SOX13: variants seen among roughly 807,000 people sequenced by gnomAD.
The protein encoded by SOX13 is SRY-box transcription factor 13.
SOX13 carries 28 observed loss-of-function variants against 71.8 expected under a neutral mutation model. That is an observed-to-expected ratio of 0.39 (90% CI 0.29 to 0.53). The LOEUF is 0.53. SOX13 is among the 20% of genes least tolerant of loss of function. SOX13 has a pLI of 0.70. For missense variants in SOX13, 627 were observed against 810.3 expected (o/e 0.77, Z 2.75); for synonymous variants, 309 against 317.8 (o/e 0.97, Z 0.29).
At chr1:204,111,130 G>A (rs528268617) in intron 1 of SOX13, among the ~76,000 whole-genome samples, 2 of 152,324 alleles carry the variant, frequency 1.3e-5, no homozygotes, top group South Asian at 4.1e-4. Flanking sequence ...ACCAGATCAT[G>A]TGATGTTATT....
At chr1:204,107,259 G>GT (rs1656488563) in intron 1 of SOX13, among the ~76,000 whole-genome samples, 1 of 152,182 alleles carries the variant, frequency 6.6e-6, no homozygotes, top group African/African-American at 2.4e-5. Flanking sequence ...GTTCATACAA[G>GT]TCAGCCTGTG....
chr1:204,110,561 G>A (rs2102251045), intron 1 of SOX13, among the ~76,000 whole-genome samples: 1 of 152,078 alleles, frequency 6.6e-6, no homozygotes, highest in East Asian at 1.9e-4. Context: ...GTTCAGTACA[G>A]ATGAAATTTC....
chr1:204,090,408 CTT>C (rs67694415), intron 1 of SOX13, among the ~76,000 whole-genome samples: 129 of 118,494 alleles, frequency 1.1e-3, no homozygotes, highest in Admixed American at 1.5e-3. Flanking sequence ...TCTTCTTCTT[CTT>C]TTTTTTTTTT....
intron 1 of SOX13, among the ~76,000 whole-genome samples, chr1:204,082,291 C>A (rs1471347236): frequency 6.6e-6 from 1 of 151,964 alleles, no homozygotes; most frequent in Non-Finnish European, 1.5e-5. Flanking sequence ...GGGGCCTGTG[C>A]TCTGGAGACC....
rs779854892 is a variant in SOX13, at chr1:204,126,000, A to G, written c.1735A>G (p.Ser579Gly). The change falls in exon 14 of 14, where the codon AGC (serine) becomes GGC (glycine). Residue 579 changes from serine to glycine, a missense_variant. Physicochemically the swap from Ser to Gly is moderately conservative, Grantham distance 56. Transcript: ENST00000367204. Reference sequence around the variant, plus strand: ...CATGCCTGTGATCGTCAACACCTGCAGCCTCAGAGAGGAGGGTGAGGGCAC... The same window carrying G: ...CATGCCTGTGATCGTCAACACCTGCGGCCTCAGAGAGGAGGGTGAGGGCAC... ...PNMPVIVNTC[S>G]LREEGEGTDD... 3.1e-6 allele frequency: 5 copies of G among 1,613,870 alleles called. No homozygotes were observed. Among genetic ancestry groups the G allele is most frequent in the Non-Finnish European group, 4.2e-6 (5 of 1,179,896 alleles).
In SOX13 at chr1:204,126,229, T is replaced by G; in HGVS notation, c.*95T>G. The stretch of plus-strand genomic sequence containing the variant: ...GCCAACCTAAGACTATGTTGGTACT[T>G]GGACTTGTTCGTGCCCCAGAGATGG... On this transcript the variant is annotated 3_prime_UTR_variant, in exon 14 of 14. Transcript: ENST00000367204. 7.3e-7 allele frequency: 1 copy of G among 1,372,724 alleles called. No individual in the cohort carries two copies. Among genetic ancestry groups the G allele is most frequent in the Non-Finnish European group, 1.0e-6 (1 of 996,382 alleles). 85.0% of individuals were successfully genotyped at this position (1,372,724 alleles called of 1,614,324 possible).
At chr1:204,117,017 C>A in intron 5 of SOX13, 105 bp from the exon 6 acceptor site, 1 of 1,158,188 alleles carries the variant, frequency 8.6e-7, no homozygotes, top group South Asian at 1.3e-5. Context: ...CACCCCACTC[C>A]ATGGCTTGCC....
chr1:204,097,165 G>A (rs1267463619), intron 1 of SOX13, among the ~76,000 whole-genome samples: 1 of 152,172 alleles, frequency 6.6e-6, no homozygotes, highest in East Asian at 1.9e-4. Context: ...TGGCAGAGGT[G>A]TTGGGAGGGT....
rs1044615339 is a variant in SOX13 at position 204,092,028 on chromosome 1, TC to T, written c.-2+18318del. ...TTTCCTTCGCTTTCCTTCTTCTGTC[TC>T]TTTCACTTTTTTTCTCTCTTCTTTC... On this transcript the variant is annotated intron_variant, in intron 1 of 13. Coordinates refer to ENST00000367204, the MANE Select transcript of SOX13 (RefSeq NM_005686.3). Among the ~76,000 whole-genome samples, 36 of 152,036 alleles carry T rather than the reference TC, an allele frequency of 2.4e-4. 1 individual carries two copies. In the South Asian group the frequency reaches 3.7e-3, roughly 16 times the overall value.
chr1:204,085,687 A>G (rs529375385), intron 1 of SOX13, among the ~76,000 whole-genome samples: 6 of 152,128 alleles, frequency 3.9e-5, no homozygotes, highest in Non-Finnish European at 8.8e-5. Flanking sequence ...TAAAAAAAAA[A>G]AAAAGATCCA....
rs147257392 is a variant in SOX13 at position 204,079,741 on chromosome 1, C to A, written c.-2+6030C>A. ...GGGTCCTTCCTGCTTTAGGAATGCC[C>A]TGAGGCCTGCCTCCCTGCTCACTCC... On this transcript the variant is annotated intron_variant, in intron 1 of 13. Transcript: ENST00000367204. Among the ~76,000 whole-genome samples, 286 of 152,314 alleles carry A rather than the reference C, an allele frequency of 1.9e-3. 1 individual carries two copies. Among genetic ancestry groups the A allele is most frequent in the African/African-American group, 6.4e-3 (265 of 41,568 alleles).
In SOX13 at chr1:204,123,649, C is replaced by T. The variant is rs1571596462; in HGVS notation, c.1232-12C>T. 1 of 1,611,674 alleles carries T rather than the reference C, an allele frequency of 6.2e-7. No homozygotes were observed. Among genetic ancestry groups the T allele is most frequent in the Non-Finnish European group, 8.5e-7 (1 of 1,179,012 alleles). ...GACAGGCTGCTTGGCTGACTTCACT[C>T]CTGTCTCCCAGGCTCCCGCCACTTC... On this transcript the variant is annotated splice_polypyrimidine_tract_variant and intron_variant, in intron 11 of 13. Transcript: ENST00000367204. This position sits in a 1 kb window ranked among gnomAD's most constrained non-coding sequence, Gnocchi z 5.0.
intron 2 of SOX13, among the ~76,000 whole-genome samples, chr1:204,113,869 G>C (rs1406355257): frequency 3.9e-5 from 6 of 152,150 alleles, no homozygotes; most frequent in Non-Finnish European, 8.8e-5. Flanking sequence ...GCCCCTACCT[G>C]CTCCCCTATG....
chr1:204,096,914 T>G (rs1300830437), intron 1 of SOX13, among the ~76,000 whole-genome samples: 2 of 152,194 alleles, frequency 1.3e-5, no homozygotes, highest in Admixed American at 6.5e-5. Flanking sequence ...CTCTTGGGTA[T>G]GAAGTGAAAA....
intron 1 of SOX13, among the ~76,000 whole-genome samples, chr1:204,085,159 G>T (rs1399694306): frequency 6.6e-6 from 1 of 152,158 alleles, no homozygotes; most frequent in South Asian, 2.1e-4. Context: ...CCTACTGTGT[G>T]CCAGCCACTG....
chr1:204,088,212 G>A (rs562813480), intron 1 of SOX13, among the ~76,000 whole-genome samples: 1 of 152,246 alleles, frequency 6.6e-6, no homozygotes, highest in South Asian at 2.1e-4. Flanking sequence ...ACGTAGCCCT[G>A]TTTTCTCTTC....
chr1:204,109,185 T>C (rs1476219217), intron 1 of SOX13, among the ~76,000 whole-genome samples: 1 of 152,174 alleles, frequency 6.6e-6, no homozygotes, highest in Non-Finnish European at 1.5e-5. Context: ...TTTGTACTTA[T>C]GGTCATGGAG....
chr1:204,098,296 G>A (rs1656294937), intron 1 of SOX13, among the ~76,000 whole-genome samples: 1 of 152,172 alleles, frequency 6.6e-6, no homozygotes, highest in Non-Finnish European at 1.5e-5. Flanking sequence ...TGACCAACAT[G>A]GAGAAACCCC....
chr1:204,096,852 C>T (rs1656263188), intron 1 of SOX13, among the ~76,000 whole-genome samples: 1 of 134,574 alleles, frequency 7.4e-6, no homozygotes, highest in South Asian at 2.2e-4. Flanking sequence ...TCCTCCTCCT[C>T]TTTCTTCTCT....
Sources: gnomAD v4.1 joint callset for allele counts (sites outside exome capture counted in the v4.1 genomes callset) on GRCh38, gnomAD v4.1.1 for gene constraint, Gnocchi (gnomAD v3.1) non-coding constraint, MANE v1.5 for transcripts, NCBI Gene and HGNC (gene_info 2026-07-23, HGNC 2026-07-21) for gene names.